DOK6: variants seen among roughly 807,000 people sequenced by gnomAD.
DOK6 encodes downstream of tyrosine kinase 6.
DOK6 carries 22 observed loss-of-function variants against 44.0 expected under a neutral mutation model. The ratio of observed to expected loss-of-function variants is 0.50; its 90% CI spans 0.36 to 0.71. The LOEUF (loss-of-function observed/expected upper bound fraction) is 0.71, where lower values mean the gene tolerates loss of function less well. Among genes scored for constraint, DOK6 ranks in the 30% least tolerant of loss-of-function variants. DOK6 has a pLI of 0.00. For missense variants in DOK6, 340 were observed against 416.4 expected (o/e 0.82, Z 1.60); for synonymous variants, 166 against 145.5 (o/e 1.14, Z -1.01).
intron 7 of DOK6, among the ~76,000 whole-genome samples, chr18:69,805,017 G>A (rs779000844): frequency 6.6e-6 from 1 of 152,176 alleles, no homozygotes; most frequent in African/African-American, 2.4e-5. Flanking sequence ...TCCTTGTACT[G>A]TGGAAGCAAA....
intron 1 of DOK6, among the ~76,000 whole-genome samples, chr18:69,417,281 A>G (rs371199419): frequency 2.6e-5 from 4 of 152,106 alleles, no homozygotes; most frequent in African/African-American, 9.7e-5. Context: ...CATGAGATCA[A>G]TATTTTTAGC....
intron 1 of DOK6, among the ~76,000 whole-genome samples, chr18:69,414,259 CT>C (rs983627983): frequency 1.1e-4 from 16 of 152,176 alleles, no homozygotes; most frequent in African/African-American, 3.6e-4. Context: ...AGGAATGAAA[CT>C]TCTCACATAC....
chr18:69,536,263 G>A (rs530787314), intron 1 of DOK6, among the ~76,000 whole-genome samples: 6 of 152,102 alleles, frequency 3.9e-5, no homozygotes, highest in Non-Finnish European at 7.4e-5. Flanking sequence ...AGAATCTGTG[G>A]TAAAAATGAC....
chr18:69,605,868 C>T (rs916788393), intron 3 of DOK6, among the ~76,000 whole-genome samples: 3 of 152,152 alleles, frequency 2.0e-5, no homozygotes, highest in African/African-American at 7.2e-5. Flanking sequence ...CAAGACAGTT[C>T]TGGAAGCTCT....
At chr18:69,607,507 A>AT (rs202206101) in intron 3 of DOK6, among the ~76,000 whole-genome samples, 58,460 of 151,858 alleles carry the variant, frequency 0.38, 11,205 homozygotes, top group Middle Eastern at 0.54. Context: ...ATATAAAAAA[A>AT]ATTAAAATAA....
intron 7 of DOK6, among the ~76,000 whole-genome samples, chr18:69,789,975 G>T (rs1241046099): frequency 6.6e-6 from 1 of 152,068 alleles, no homozygotes; most frequent in Non-Finnish European, 1.5e-5. Flanking sequence ...GACTTCACAT[G>T]CATGTTACTG....
At chr18:69,417,919 T>C (rs1023937145) in intron 1 of DOK6, among the ~76,000 whole-genome samples, 1 of 152,178 alleles carries the variant, frequency 6.6e-6, no homozygotes, top group Non-Finnish European at 1.5e-5. Flanking sequence ...TATATTGCTA[T>C]TGAGTTGTTT....
intron 7 of DOK6, among the ~76,000 whole-genome samples, chr18:69,834,282 G>T (rs938373012): frequency 1.3e-5 from 2 of 152,170 alleles, no homozygotes; most frequent in African/African-American, 4.8e-5. Flanking sequence ...GGCACAAAAA[G>T]ACAAATATTA....
At position 69,512,608 on chromosome 18, in the gene DOK6, T is replaced by C. The variant is rs1981404796; in HGVS notation, c.67-51879T>C. Among the ~76,000 whole-genome samples the C allele has an allele frequency of 1.3e-5, 2 of 152,112 alleles. 1 individual carries two copies. The highest frequency in any genetic ancestry group is 4.1e-4 in the South Asian group (2 of 4,822). ...ATTCGTCCGCCTCGGCCTCCAAAAG[T>C]GCTGGGATTACAAGCGTGAGCCACC... On this transcript the variant is annotated intron_variant, in intron 1 of 7. Coordinates refer to ENST00000382713, the MANE Select transcript of DOK6 (RefSeq NM_152721.6).
At chr18:69,550,094 C>T (rs1360747881) in intron 1 of DOK6, among the ~76,000 whole-genome samples, 2 of 151,064 alleles carry the variant, frequency 1.3e-5, no homozygotes, top group African/African-American at 4.8e-5. Flanking sequence ...ATTTTACAAA[C>T]ATTTTTGACA....
At chr18:69,637,476 T>C (rs1253214029) in intron 3 of DOK6, among the ~76,000 whole-genome samples, 1 of 152,134 alleles carries the variant, frequency 6.6e-6, no homozygotes, top group African/African-American at 2.4e-5. Flanking sequence ...TTAAATACCA[T>C]CTCCACTCCT....
intron 7 of DOK6, among the ~76,000 whole-genome samples, chr18:69,802,320 T>C (rs1022495709): frequency 3.9e-5 from 6 of 152,122 alleles, no homozygotes; most frequent in African/African-American, 7.2e-5. Context: ...GCCACATGCA[T>C]TCGGTACGCT....
At chr18:69,781,580 C>T (rs546698646) in intron 7 of DOK6, among the ~76,000 whole-genome samples, 1 of 152,234 alleles carries the variant, frequency 6.6e-6, no homozygotes, top group African/African-American at 2.4e-5. Context: ...CTAACCGTTT[C>T]TGCATGGAAA....
At chr18:69,421,187 A>G (rs1481541264) in intron 1 of DOK6, among the ~76,000 whole-genome samples, 1 of 152,168 alleles carries the variant, frequency 6.6e-6, no homozygotes, top group African/African-American at 2.4e-5. Context: ...CTTTTCTTCC[A>G]TCTCATTGAT....
intron 1 of DOK6, among the ~76,000 whole-genome samples, chr18:69,507,069 C>T (rs540203470): frequency 3.0e-4 from 46 of 152,018 alleles, no homozygotes; most frequent in Non-Finnish European, 2.6e-4. Context: ...GTCACCCAGG[C>T]TGGAGTGCAG....
intron 1 of DOK6, among the ~76,000 whole-genome samples, chr18:69,520,430 C>A (rs1266176251): frequency 4.0e-5 from 6 of 151,612 alleles, no homozygotes; most frequent in Non-Finnish European, 8.9e-5. Flanking sequence ...TCTCTTATTT[C>A]TTTGAATCAC....
chr18:69,455,427 A>G (rs992654652), intron 1 of DOK6, among the ~76,000 whole-genome samples: 1 of 152,198 alleles, frequency 6.6e-6, no homozygotes, highest in Non-Finnish European at 1.5e-5. Context: ...TTTATTTTGC[A>G]TGTGTGTGTT....
intron 7 of DOK6, among the ~76,000 whole-genome samples, chr18:69,787,926 C>T (rs1980480982): frequency 2.0e-5 from 3 of 152,256 alleles, no homozygotes; most frequent in East Asian, 1.9e-4. Context: ...TATATTCAGC[C>T]TCGGCAATTA....
At chr18:69,756,191 A>G (rs1037227082) in intron 6 of DOK6, among the ~76,000 whole-genome samples, 3 of 152,174 alleles carry the variant, frequency 2.0e-5, no homozygotes. Flanking sequence ...TTATCTGCCT[A>G]GCCATTTCAC....
Sources: gnomAD v4.1 joint callset for allele counts (sites outside exome capture counted in the v4.1 genomes callset) on GRCh38, gnomAD v4.1.1 for gene constraint, MANE v1.5 for transcripts, NCBI Gene and HGNC (gene_info 2026-07-23, HGNC 2026-07-21) for gene names.